SLC39A1: variants seen among roughly 807,000 people sequenced by gnomAD.
SLC39A1 encodes the protein solute carrier family 39 member 1.
In SLC39A1, 17 loss-of-function variants were observed where a neutral mutation model predicts 21.4. The observed-to-expected ratio is 0.79, with a 90% CI of 0.54 to 1.19. SLC39A1 has a LOEUF of 1.19. Among genes scored for constraint, SLC39A1 ranks in the 50% most tolerant of loss-of-function variants. The pLI, the probability that SLC39A1 is intolerant of heterozygous loss-of-function variation, is 0.00. For synonymous variants in SLC39A1, 183 were observed against 185.9 expected (o/e 0.98, Z 0.13); for missense variants, 343 against 399.8 (o/e 0.86, Z 1.21).
chr1:153,962,396 T>C (rs1647514424), intron 2 of SLC39A1, 46 bp from the exon 3 acceptor site: 4 of 1,597,402 alleles, frequency 2.5e-6, no homozygotes, highest in Non-Finnish European at 3.4e-6. Context: ...ACAAACCCCC[T>C]CCAGGGCCGA....
chr1:153,962,514 A>G lies in SLC39A1; in HGVS notation c.187+15T>C, dbSNP rs1165493875. 1.2e-6 allele frequency: 2 copies of G among 1,606,720 alleles called. No individual in the cohort carries two copies. The highest frequency in any genetic ancestry group is 2.7e-5 in the African/African-American group (2 of 74,780). The stretch of plus-strand genomic sequence containing the variant: ...CCAAGCATTCATAGCAGTGTGGGGA[A>G]AAGGAGAGGCTTACCTGAGCCTTCA... On this transcript the variant is annotated intron_variant, in intron 2 of 3. Coordinates refer to ENST00000356205, the MANE Select transcript of SLC39A1 (RefSeq NM_001271958.2).
At chr1:153,962,867 T>C in intron 1 of SLC39A1, 120 bp from the exon 2 acceptor site, 1 of 689,750 alleles carries the variant, frequency 1.4e-6, no homozygotes, top group Non-Finnish European at 2.3e-6. Flanking sequence ...GACCTTCCCC[T>C]ACCCAGGGTG....
upstream of SLC39A1, among the ~76,000 whole-genome samples, chr1:153,967,118 T>TA (rs1647835246): frequency 6.6e-6 from 1 of 152,326 alleles, no homozygotes; most frequent in African/African-American, 2.4e-5. Context: ...ATGCAAACAA[T>TA]AAGACAACAA....
chr1:153,961,213 T>C (rs1647416742), intron 3 of SLC39A1, among the ~76,000 whole-genome samples: 2 of 152,170 alleles, frequency 1.3e-5, no homozygotes, highest in Non-Finnish European at 2.9e-5. Context: ...GAGCCAGAGA[T>C]TGCAGTGAGT....
chr1:153,960,386 C>T lies in SLC39A1; in HGVS notation c.687G>A (p.Leu229=). The change falls in exon 4 of 4, where the codon CTG becomes CTA. Residue 229 remains leucine (L), a synonymous_variant. Transcript: ENST00000356205. ...GILAVSLSLR[L]LQSHLRAQVV... ...CCTGTGCCCTAAGGTGGCTCTGCAA[C>T]AGCCGCAGGGACAGGCTGACAGCCA... 6.2e-7 allele frequency: 1 copy of T among 1,614,074 alleles called. No homozygotes were observed. Among genetic ancestry groups the T allele is most frequent in the African/African-American group, 1.3e-5 (1 of 75,082 alleles).
In SLC39A1 at chr1:153,960,629, C is replaced by G. The variant is rs763636292; in HGVS notation, c.444G>C (p.Leu148=). The G allele has an allele frequency of 1.2e-6, 2 of 1,614,254 alleles. No individual in the cohort carries two copies. Among genetic ancestry groups the G allele is most frequent in the South Asian group, 2.2e-5 (2 of 91,090 alleles). The change falls in exon 4 of 4, where the codon CTG becomes CTC. Residue 148 remains leucine (L), a synonymous_variant. Coordinates refer to ENST00000356205, the MANE Select transcript of SLC39A1 (RefSeq NM_001271958.2). ...GPSPLEETRA[L]LGTVNGGPQH... is the part of the protein sequence containing the mutation. Reference sequence around the variant, plus strand: ...GCGGCCCACCATTCACTGTTCCCAGCAGAGCCCTTGTTTCCTCCAGAGGTG... The same window carrying G: ...GCGGCCCACCATTCACTGTTCCCAGGAGAGCCCTTGTTTCCTCCAGAGGTG...
chr1:153,959,324 G>A lies in SLC39A1; in HGVS notation c.*774C>T, dbSNP rs1184050523. On this transcript the variant is annotated 3_prime_UTR_variant, in exon 4 of 4. Coordinates refer to ENST00000356205, the MANE Select transcript of SLC39A1 (RefSeq NM_001271958.2). ...TCTGGGCATGGGACACCATGTCCAT[G>A]TCCCCATATTCCTAGGGTACAGCAG... 2 of 398,838 alleles carry A rather than the reference G, an allele frequency of 5.0e-6. No homozygotes were observed. Among genetic ancestry groups the A allele is most frequent in the Non-Finnish European group, 8.8e-6 (2 of 226,046 alleles). 24.7% of individuals were successfully genotyped at this position (398,838 alleles called of 1,614,324 possible). A position where few individuals can be genotyped will look rare whatever the true frequency, so the allele number is the denominator to read the frequency against.
intron 1 of SLC39A1, 134 bp from the exon 2 acceptor site, chr1:153,962,881 C>G: frequency 1.7e-6 from 1 of 599,022 alleles, no homozygotes. Flanking sequence ...CAGGGTGACT[C>G]ATCTACTCCT....
chr1:153,967,405 C>T (rs560375831), upstream of SLC39A1: 1 of 152,368 alleles, frequency 6.6e-6, no homozygotes, highest in South Asian at 2.1e-4. Context: ...CAGGGTTTCC[C>T]GGAGCTTTCT....
Position 153,960,042 on chromosome 1 carries a change from A to T in SLC39A1, c.*56T>A. 1.3e-6 allele frequency: 2 copies of T among 1,522,392 alleles called. No individual in the cohort carries two copies. Among genetic ancestry groups the T allele is most frequent in the South Asian group, 2.6e-5 (2 of 77,160 alleles). 94.3% of individuals were successfully genotyped at this position (1,522,392 alleles called of 1,614,324 possible). On this transcript the variant is annotated 3_prime_UTR_variant, in exon 4 of 4. Coordinates refer to ENST00000356205, the MANE Select transcript of SLC39A1 (RefSeq NM_001271958.2). ...CCTATTCCCCACAACTGGGGGAGGG[A>T]AGGGAGAACAGGGGCACCTGATCAT...
At chr1:153,964,459 G>C (rs180844617), upstream of SLC39A1, 2 of 152,114 alleles carry the variant, frequency 1.3e-5, no homozygotes, top group Non-Finnish European at 2.9e-5. Flanking sequence ...AATTTAAAAA[G>C]GGGGCTCAGC....
upstream of SLC39A1, among the ~76,000 whole-genome samples, chr1:153,967,178 C>T (rs558906937): frequency 6.6e-6 from 1 of 152,374 alleles, no homozygotes; most frequent in South Asian, 2.1e-4. Context: ...CGTGTCCCTC[C>T]GTGAATGAGC....
chr1:153,962,076 A>G, intron 3 of SLC39A1, 144 bp downstream of exon 3: 5 of 1,239,288 alleles, frequency 4.0e-6, no homozygotes, highest in Non-Finnish European at 5.6e-6. Context: ...ATTATGCCCC[A>G]TAACCAAAAA....
upstream of SLC39A1, among the ~76,000 whole-genome samples, chr1:153,967,213 AGCTGCTGTTCTCCATTAACGCCACACT>A (rs1333317973): frequency 2.0e-5 from 3 of 152,240 alleles, no homozygotes; most frequent in Non-Finnish European, 4.4e-5. Context: ...GTGTGCGCAC[AGCTGCTGTTCTCCATTAACGCCACACT>A]GCTCGGCTTG....
At chr1:153,962,022 G>C (rs1309744126) in intron 3 of SLC39A1, among the ~76,000 whole-genome samples, 198 bp downstream of exon 3, 1 of 152,134 alleles carries the variant, frequency 6.6e-6, no homozygotes, top group African/African-American at 2.4e-5. Context: ...GGAATGTAGG[G>C]GTCACACAGG....
upstream of SLC39A1, chr1:153,967,699 G>C (rs532121100): frequency 6.6e-6 from 1 of 152,200 alleles, no homozygotes; most frequent in African/African-American, 2.4e-5. Context: ...CGGCCCCATT[G>C]GCCTGACTCT....
In SLC39A1 at chr1:153,960,032, TG is replaced by T; in HGVS notation, c.*65del. On this transcript the variant is annotated 3_prime_UTR_variant, in exon 4 of 4. Transcript: ENST00000356205. ...CCCTTTCCTTCCTATTCCCCACAACTGGGGGAGGGAAGGGAGAACAGGGGCA... is the reference window on the plus strand; with the variant it reads ...CCCTTTCCTTCCTATTCCCCACAACTGGGGAGGGAAGGGAGAACAGGGGCA... 6.6e-7 allele frequency: 1 copy of T among 1,508,280 alleles called. No homozygotes were observed. The highest frequency in any genetic ancestry group is 8.9e-7 in the Non-Finnish European group (1 of 1,120,758). 93.4% of individuals were successfully genotyped at this position (1,508,280 alleles called of 1,614,324 possible).
In SLC39A1 at chr1:153,960,518, G is replaced by GAACACC. The variant is rs1338896568; in HGVS notation, c.549_554dup (p.Leu183_Val184dup). 1.2e-6 allele frequency: 2 copies of GAACACC among 1,613,522 alleles called. No individual in the cohort carries two copies. Among genetic ancestry groups the GAACACC allele is most frequent in the East Asian group, 4.5e-5 (2 of 44,882 alleles). ...CGAACACGGAGTGGAGGGCCAGGGA[G>GAACACC]AACACCAGTACACAGGCACGCAAGG... On this transcript the variant is annotated inframe_insertion, in exon 4 of 4. Coordinates refer to ENST00000356205, the MANE Select transcript of SLC39A1 (RefSeq NM_001271958.2).
upstream of SLC39A1, chr1:153,967,943 G>T (rs1026500933): frequency 1.3e-5 from 2 of 152,264 alleles, no homozygotes; most frequent in Admixed American, 1.3e-4. Context: ...TCTTGCAAAA[G>T]CGAGGGCTAC....
Sources: gnomAD v4.1 joint callset for allele counts (sites outside exome capture counted in the v4.1 genomes callset) on GRCh38, gnomAD v4.1.1 for gene constraint, MANE v1.5 for transcripts, NCBI Gene and HGNC (gene_info 2026-07-23, HGNC 2026-07-21) for gene names.